KCNIP4: variants seen among roughly 807,000 people sequenced by gnomAD.
The protein encoded by KCNIP4 is Kv channel-interacting protein 4.
KCNIP4 carries 12 observed loss-of-function variants against 34.0 expected under a neutral mutation model. That is an observed-to-expected ratio of 0.35 (90% CI 0.23 to 0.57). The LOEUF (loss-of-function observed/expected upper bound fraction) is 0.57, where lower values mean the gene tolerates loss of function less well. Ranked by LOEUF, KCNIP4 falls within the 20% of genes least tolerant of loss-of-function variation. The pLI is 0.83. For missense variants in KCNIP4, 238 were observed against 311.7 expected (o/e 0.76, Z 1.78); for synonymous variants, 124 against 102.2 (o/e 1.21, Z -1.29).
intron 1 of KCNIP4, among the ~76,000 whole-genome samples, chr4:21,750,118 C>T (rs752271662): frequency 2.0e-5 from 3 of 152,148 alleles, no homozygotes; most frequent in Non-Finnish European, 4.4e-5. Context: ...ATGAATCCTC[C>T]TTTTGTCCTG....
At chr4:21,782,494 A>G (rs1719632494) in intron 1 of KCNIP4, among the ~76,000 whole-genome samples, 1 of 152,056 alleles carries the variant, frequency 6.6e-6, no homozygotes. Context: ...AGGAGTTTGA[A>G]ACCAGCCTGA....
intron 1 of KCNIP4, among the ~76,000 whole-genome samples, chr4:21,615,368 G>A (rs941774988): frequency 8.2e-5 from 12 of 146,024 alleles, no homozygotes; most frequent in African/African-American, 2.0e-4. Context: ...GTGAAACCCC[G>A]TCTCTACTAA....
chr4:21,680,445 A>C (rs57200685), intron 1 of KCNIP4, among the ~76,000 whole-genome samples: 1 of 152,254 alleles, frequency 6.6e-6, no homozygotes, highest in African/African-American at 2.4e-5. Context: ...ACTTCTCCCA[A>C]ATGTTGATGT....
intron 1 of KCNIP4, among the ~76,000 whole-genome samples, chr4:21,942,260 G>A (rs1033210696): frequency 4.6e-5 from 7 of 152,166 alleles, no homozygotes; most frequent in African/African-American, 1.7e-4. Flanking sequence ...TGAGAATAAT[G>A]GTGGTGGATG....
chr4:21,478,524 G>T (rs1359498310), intron 1 of KCNIP4, among the ~76,000 whole-genome samples: 1 of 152,132 alleles, frequency 6.6e-6, no homozygotes, highest in Non-Finnish European at 1.5e-5. Context: ...TGTTGAAGAA[G>T]TGCTGAAGAA....
At chr4:21,241,148 A>C (rs1270459953) in intron 1 of KCNIP4, among the ~76,000 whole-genome samples, 1 of 152,164 alleles carries the variant, frequency 6.6e-6, no homozygotes, top group Non-Finnish European at 1.5e-5. Context: ...AAAGACAAAA[A>C]AAAAGGAAAA....
intron 1 of KCNIP4, among the ~76,000 whole-genome samples, chr4:20,905,892 T>A (rs533308428): frequency 1.1e-3 from 174 of 152,210 alleles, no homozygotes; most frequent in African/African-American, 3.8e-3. Context: ...CGCATTTTGT[T>A]CACCACCTCT....
intron 1 of KCNIP4, among the ~76,000 whole-genome samples, chr4:21,332,738 CT>C (rs1715784077): frequency 6.6e-6 from 1 of 151,930 alleles, no homozygotes; most frequent in Admixed American, 6.6e-5. Context: ...GTGTTTAGTA[CT>C]GAAACAACTT....
At chr4:21,174,959 G>A (rs527286346) in intron 1 of KCNIP4, among the ~76,000 whole-genome samples, 1 of 151,038 alleles carries the variant, frequency 6.6e-6, no homozygotes, top group East Asian at 1.9e-4. Flanking sequence ...ATTATTTTCA[G>A]CAAGCTTTTT....
At chr4:20,825,156 G>A (rs537663430) in intron 3 of KCNIP4, among the ~76,000 whole-genome samples, 1 of 150,652 alleles carries the variant, frequency 6.6e-6, no homozygotes, top group Non-Finnish European at 1.5e-5. Context: ...GAGAAATTTG[G>A]TCTTACTGAG....
At chr4:20,913,937 C>T (rs1728569747) in intron 1 of KCNIP4, among the ~76,000 whole-genome samples, 2 of 152,150 alleles carry the variant, frequency 1.3e-5, no homozygotes, top group Non-Finnish European at 2.9e-5. Flanking sequence ...GGGCGGATCA[C>T]CTGAGGTCAG....
chr4:21,573,211 T>C lies in KCNIP4; in HGVS notation c.61+375360A>G, dbSNP rs577670320. ...GATACTCATACTTGACCTTAGTGAG[T>C]ATCTCCAATATGTCAGGCACAGTAC... On this transcript the variant is annotated intron_variant, in intron 1 of 8. Coordinates refer to ENST00000382152, the MANE Select transcript of KCNIP4 (RefSeq NM_025221.6). Among the ~76,000 whole-genome samples the C allele has an allele frequency of 1.4e-4, 21 of 152,240 alleles. 1 individual carries two copies. The highest frequency in any genetic ancestry group is 5.1e-4 in the African/African-American group (21 of 41,538).
intron 1 of KCNIP4, among the ~76,000 whole-genome samples, chr4:21,450,171 A>G (rs565198342): frequency 3.2e-4 from 48 of 152,288 alleles, no homozygotes; most frequent in African/African-American, 1.1e-3. Flanking sequence ...AAGTCTTCAG[A>G]AAATACTCTC....
At chr4:21,681,567 A>G (rs1013569091) in intron 1 of KCNIP4, among the ~76,000 whole-genome samples, 2 of 152,094 alleles carry the variant, frequency 1.3e-5, no homozygotes, top group African/African-American at 4.8e-5. Flanking sequence ...TCATGAACCA[A>G]CCTCTGCTAG....
chr4:20,768,084 T>C (rs1273619741), intron 3 of KCNIP4, among the ~76,000 whole-genome samples: 2 of 152,236 alleles, frequency 1.3e-5, no homozygotes, highest in African/African-American at 4.8e-5. Context: ...TCCTACAACC[T>C]GTGCTGCTGA....
intron 1 of KCNIP4, among the ~76,000 whole-genome samples, chr4:20,989,363 AG>A (rs1390376337): frequency 2.0e-5 from 3 of 152,242 alleles, no homozygotes; most frequent in African/African-American, 4.8e-5. Flanking sequence ...GGAGGTATAG[AG>A]AGCAGAGTTG....
Position 20,981,143 on chromosome 4 carries a change from C to T in KCNIP4, c.62-98434G>A, listed in dbSNP as rs73805245. ...ACTTCATCCTCAGACTCTGCTTGAA[C>T]TGGACATTCATCATGATTGAATGTA... is the stretch of plus-strand genomic sequence containing the variant. On this transcript the variant is annotated intron_variant, in intron 1 of 8. Coordinates refer to ENST00000382152, the MANE Select transcript of KCNIP4 (RefSeq NM_025221.6). 9.9e-3 allele frequency among the ~76,000 whole-genome samples: 1,503 copies of T among 152,260 alleles called. 24 individuals carry two copies. The highest frequency in any genetic ancestry group is 0.034 in the African/African-American group (1,416 of 41,548).
chr4:20,935,342 A>T (rs992785368), intron 1 of KCNIP4, among the ~76,000 whole-genome samples: 4 of 152,178 alleles, frequency 2.6e-5, no homozygotes, highest in African/African-American at 9.6e-5. Context: ...AATTGATGTC[A>T]TCATGACAGT....
chr4:21,048,714 G>A (rs897958565), intron 1 of KCNIP4, among the ~76,000 whole-genome samples: 1 of 152,090 alleles, frequency 6.6e-6, no homozygotes, highest in Admixed American at 6.5e-5. Flanking sequence ...TGGTTCTTTC[G>A]TTGAGAAGTG....
Sources: allele counts gnomAD v4.1 joint callset (sites outside exome capture counted in the v4.1 genomes callset), GRCh38; gene constraint gnomAD v4.1.1; transcripts MANE v1.5; gene names NCBI Gene and HGNC (gene_info 2026-07-23, HGNC 2026-07-21).